METTL15: variants seen among roughly 807,000 people sequenced by gnomAD.
The protein encoded by METTL15 is 12S rRNA N(4)-cytidine methyltransferase METTL15.
In METTL15, 34 loss-of-function variants were observed where a neutral mutation model predicts 38.3. That is an observed-to-expected ratio of 0.89 (90% CI 0.68 to 1.18). METTL15 has a LOEUF of 1.18. Among genes scored for constraint, METTL15 ranks in the 50% most tolerant of loss-of-function variants. The pLI is 0.00. For missense variants in METTL15, 438 were observed against 498.4 expected (o/e 0.88, Z 1.15); for synonymous variants, 162 against 170.9 (o/e 0.95, Z 0.41).
At chr11:28,141,817 C>T (rs1273398163) in intron 3 of METTL15, among the ~76,000 whole-genome samples, 1 of 152,180 alleles carries the variant, frequency 6.6e-6, no homozygotes, top group African/African-American at 2.4e-5. Flanking sequence ...GAATTTAGGT[C>T]CTTACCATAA....
intron 4 of METTL15, among the ~76,000 whole-genome samples, chr11:28,242,194 T>G (rs1157679927): frequency 6.6e-6 from 1 of 152,252 alleles, no homozygotes; most frequent in Non-Finnish European, 1.5e-5. Context: ...CTTATTAGCA[T>G]ATACTTATTT....
At chr11:28,378,280 T>C (rs1850342082) in intron 5 of METTL15, among the ~76,000 whole-genome samples, 1 of 152,202 alleles carries the variant, frequency 6.6e-6, no homozygotes, top group African/African-American at 2.4e-5. Context: ...CAGTTTGATC[T>C]CAGACTGCTG....
At chr11:28,142,082 A>G (rs904455231) in intron 3 of METTL15, among the ~76,000 whole-genome samples, 1 of 152,220 alleles carries the variant, frequency 6.6e-6, no homozygotes, top group East Asian at 1.9e-4. Flanking sequence ...TATGGGAAAA[A>G]GCAGGACACT....
At chr11:28,206,180 G>C (rs76966689) in intron 3 of METTL15, among the ~76,000 whole-genome samples, 78,664 of 148,984 alleles carry the variant, frequency 0.53, 22,231 homozygotes, top group African/African-American at 0.72. Flanking sequence ...GAAATCCTTA[G>C]CCATGCCTAT....
chr11:28,464,990 ACACT>A (rs1356730207), intron 6 of METTL15, among the ~76,000 whole-genome samples: 12 of 152,200 alleles, frequency 7.9e-5, no homozygotes, highest in Non-Finnish European at 1.8e-4. Flanking sequence ...AGATCTGGTC[ACACT>A]CACTCTATTT....
intron 6 of METTL15, among the ~76,000 whole-genome samples, chr11:28,317,955 T>C (rs1857538212): frequency 6.6e-6 from 1 of 152,182 alleles, no homozygotes; most frequent in South Asian, 2.1e-4. Context: ...TACAGAAGTT[T>C]TTTTGGGGTG....
At chr11:28,131,111 G>A (rs1849317664) in intron 3 of METTL15, among the ~76,000 whole-genome samples, 1 of 151,778 alleles carries the variant, frequency 6.6e-6, no homozygotes, top group African/African-American at 2.4e-5. Flanking sequence ...CACATTTTCA[G>A]AATGCCCCCA....
intron 3 of METTL15, among the ~76,000 whole-genome samples, chr11:28,142,803 A>G (rs1016557987): frequency 1.3e-5 from 2 of 152,154 alleles, no homozygotes; most frequent in African/African-American, 4.8e-5. Context: ...TTAGATAGAT[A>G]TTTTGTAAAG....
chr11:28,317,024 T>A (rs890100667), intron 6 of METTL15, among the ~76,000 whole-genome samples: 1 of 152,232 alleles, frequency 6.6e-6, no homozygotes, highest in Non-Finnish European at 1.5e-5. Context: ...AAAATAGTTA[T>A]GAAAAATTTC....
intron 4 of METTL15, among the ~76,000 whole-genome samples, chr11:28,229,905 ATAAC>A (rs1354325963): frequency 6.6e-6 from 1 of 152,026 alleles, no homozygotes; most frequent in Non-Finnish European, 1.5e-5. Context: ...TTAGATAAAA[ATAAC>A]TAATATCATA....
chr11:28,345,861 A>G (rs1276048550), intron 3 of METTL15, among the ~76,000 whole-genome samples: 1 of 152,252 alleles, frequency 6.6e-6, no homozygotes, highest in African/African-American at 2.4e-5. Flanking sequence ...TTCTGAGTAA[A>G]TCAATGCATT....
intron 6 of METTL15, among the ~76,000 whole-genome samples, chr11:28,493,189 T>A (rs114242865): frequency 1.4e-3 from 219 of 152,210 alleles, no homozygotes; most frequent in African/African-American, 5.1e-3. Context: ...TTTCTTAACA[T>A]CCAATGCAAA....
At chr11:28,214,033 AT>A (rs1345826605) in intron 4 of METTL15, among the ~76,000 whole-genome samples, 4 of 152,040 alleles carry the variant, frequency 2.6e-5, no homozygotes, top group African/African-American at 9.7e-5. Context: ...ATTTAGCATG[AT>A]TTTAATACCC....
chr11:28,455,831 C>G (rs545375238), intron 6 of METTL15, among the ~76,000 whole-genome samples: 1 of 152,020 alleles, frequency 6.6e-6, no homozygotes, highest in African/African-American at 2.4e-5. Flanking sequence ...CTCAGCCTCC[C>G]GAGTAGCTGG....
intron 6 of METTL15, among the ~76,000 whole-genome samples, chr11:28,468,144 C>G (rs1372152058): frequency 6.6e-6 from 1 of 152,218 alleles, no homozygotes; most frequent in Non-Finnish European, 1.5e-5. Context: ...GTTTTCCAGT[C>G]CTGCCCCGGA....
chr11:28,423,838 A>T (rs1437779484), intron 5 of METTL15, among the ~76,000 whole-genome samples: 1 of 150,940 alleles, frequency 6.6e-6, no homozygotes, highest in Non-Finnish European at 1.5e-5. Context: ...TGTACATTTT[A>T]ATATAACTAA....
At chr11:28,378,521 C>T (rs141556087) in intron 5 of METTL15, among the ~76,000 whole-genome samples, 1,698 of 152,290 alleles carry the variant, frequency 0.011, 40 homozygotes, top group African/African-American at 0.039. Context: ...GGCTCGTGCA[C>T]GGTGCGTGCA....
At chr11:28,376,591 C>T (rs1046826298) in intron 5 of METTL15, among the ~76,000 whole-genome samples, 1 of 151,416 alleles carries the variant, frequency 6.6e-6, no homozygotes, top group African/African-American at 2.4e-5. Flanking sequence ...CTGAATGCGG[C>T]ATGGGTCTTG....
chr11:28,304,416 A>G (rs140078738), intron 6 of METTL15, among the ~76,000 whole-genome samples: 7 of 152,284 alleles, frequency 4.6e-5, no homozygotes, highest in African/African-American at 1.7e-4. Context: ...AAAATAAAAG[A>G]TAATGATAAG....
Sources: gnomAD v4.1 joint callset for allele counts (sites outside exome capture counted in the v4.1 genomes callset) on GRCh38, gnomAD v4.1.1 for gene constraint, MANE v1.5 for transcripts, NCBI Gene and HGNC (gene_info 2026-07-23, HGNC 2026-07-21) for gene names.